The following MCTP1 variants were observed in gnomAD, a reference collection of about 807,000 sequenced individuals.
The protein encoded by MCTP1 is multiple C2 and transmembrane domain-containing protein 1.
In MCTP1, 69 loss-of-function variants were observed where a neutral mutation model predicts 120.6. The observed-to-expected ratio is 0.57, with a 90% CI of 0.47 to 0.70. MCTP1 has a LOEUF of 0.70. Ranked by LOEUF, MCTP1 falls within the 30% of genes least tolerant of loss-of-function variation. The probability of loss-of-function intolerance (pLI) is 0.00; values close to 1 mark genes in which losing one functional copy is unlikely to be tolerated. For missense variants in MCTP1, 1,203 were observed against 1,248.8 expected (o/e 0.96, Z 0.55); for synonymous variants, 529 against 493.1 (o/e 1.07, Z -0.96).
At chr5:95,143,391 C>T (rs1376823153) in intron 1 of MCTP1, among the ~76,000 whole-genome samples, 1 of 152,140 alleles carries the variant, frequency 6.6e-6, no homozygotes, top group African/African-American at 2.4e-5. Context: ...GCCAGAAATG[C>T]AACTCCTCAG....
At chr5:95,099,991 G>C (rs1407729632) in intron 1 of MCTP1, among the ~76,000 whole-genome samples, 1 of 151,916 alleles carries the variant, frequency 6.6e-6, no homozygotes. Flanking sequence ...GATGAAATTG[G>C]AAATCATCAT....
intron 1 of MCTP1, among the ~76,000 whole-genome samples, chr5:95,033,170 T>A (rs1486623903): frequency 1.3e-5 from 2 of 152,138 alleles, no homozygotes; most frequent in Non-Finnish European, 2.9e-5. Flanking sequence ...ATACCAGTTT[T>A]ACTAAAACTA....
At chr5:94,876,756 C>T (rs1428307449) in intron 12 of MCTP1, among the ~76,000 whole-genome samples, 1 of 151,854 alleles carries the variant, frequency 6.6e-6, no homozygotes, top group East Asian at 1.9e-4. Flanking sequence ...AGGGCAGGGG[C>T]TGTGGGATTG....
At chr5:94,998,360 C>G (rs1232826250) in intron 2 of MCTP1, among the ~76,000 whole-genome samples, 1 of 152,138 alleles carries the variant, frequency 6.6e-6, no homozygotes, top group Non-Finnish European at 1.5e-5. Flanking sequence ...GTAGCCACAG[C>G]AGAGAAAAGG....
chr5:94,955,931 C>CCTCCTCAAGTGGGTCCCTGA (rs1822492725), intron 2 of MCTP1, among the ~76,000 whole-genome samples: 1 of 152,220 alleles, frequency 6.6e-6, no homozygotes, highest in Non-Finnish European at 1.5e-5. Flanking sequence ...GGACAGTATG[C>CCTCCTCAAGTGGGTCCCTGA]CTCCTCAAGT....
chr5:95,172,739 G>C lies in MCTP1; in HGVS notation c.720+111117C>G, dbSNP rs111607361. Among the ~76,000 whole-genome samples, 1,015 of 152,282 alleles carry C rather than the reference G, an allele frequency of 6.7e-3. 11 individuals carry two copies. The highest frequency in any genetic ancestry group is 0.024 in the African/African-American group (985 of 41,556). ...TTGAATAAATTAAGGATCTGAGTGA[G>C]AGAACTATGGTATCTCTTGTTCTGT... is the stretch of plus-strand genomic sequence containing the variant. On this transcript the variant is annotated intron_variant, in intron 1 of 22. Coordinates refer to ENST00000515393, the MANE Select transcript of MCTP1 (RefSeq NM_024717.7).
At chr5:95,120,943 T>A (rs1308507612) in intron 1 of MCTP1, among the ~76,000 whole-genome samples, 1 of 152,112 alleles carries the variant, frequency 6.6e-6, no homozygotes, top group East Asian at 1.9e-4. Context: ...ACCTAAAGAC[T>A]TCCCCCCAAA....
chr5:95,228,204 C>T (rs1754500251), intron 1 of MCTP1, among the ~76,000 whole-genome samples: 2 of 151,966 alleles, frequency 1.3e-5, no homozygotes, highest in African/African-American at 4.8e-5. Flanking sequence ...ATGGCACATC[C>T]AAAAGAACAA....
intron 1 of MCTP1, among the ~76,000 whole-genome samples, chr5:95,076,601 C>T (rs1753636632): frequency 6.6e-6 from 1 of 152,132 alleles, no homozygotes; most frequent in South Asian, 2.1e-4. Flanking sequence ...CAGGGTAATG[C>T]TGTCCACTGA....
chr5:94,944,796 G>A (rs1170923557), intron 3 of MCTP1, among the ~76,000 whole-genome samples: 1 of 149,238 alleles, frequency 6.7e-6, no homozygotes, highest in Non-Finnish European at 1.5e-5. Flanking sequence ...TATGCTGTTT[G>A]GTTCCAAGCT....
chr5:95,002,707 CAGGCTCAT>C (rs1561998687), intron 2 of MCTP1, among the ~76,000 whole-genome samples: 1 of 152,186 alleles, frequency 6.6e-6, no homozygotes. Flanking sequence ...TTTGATTTTA[CAGGCTCAT>C]AGGCAGAAGG....
intron 2 of MCTP1, among the ~76,000 whole-genome samples, chr5:94,953,850 T>TATATATATGCATATATATACAA (rs70978146): frequency 0.06 from 2,679 of 44,860 alleles, 571 homozygotes; most frequent in Middle Eastern, 0.16. Flanking sequence ...TATACACAAC[T>TATATATATGCATATATATACAA]ATATATATGC....
intron 17 of MCTP1, among the ~76,000 whole-genome samples, chr5:94,805,563 G>A (rs1391238702): frequency 6.6e-6 from 1 of 152,106 alleles, no homozygotes; most frequent in African/African-American, 2.4e-5. Context: ...AGGAGGTTGA[G>A]GCTGTAGTGA....
At chr5:95,177,241 G>A (rs373538594) in intron 1 of MCTP1, among the ~76,000 whole-genome samples, 24 of 152,150 alleles carry the variant, frequency 1.6e-4, no homozygotes, top group African/African-American at 5.8e-4. Flanking sequence ...CTGTGATTGT[G>A]GAGATTTAAT....
intron 1 of MCTP1, among the ~76,000 whole-genome samples, chr5:95,170,621 T>G (rs995867311): frequency 7.2e-5 from 11 of 152,220 alleles, no homozygotes; most frequent in African/African-American, 2.7e-4. Flanking sequence ...ATATTTAGGA[T>G]AGTTAGCTCT....
intron 1 of MCTP1, among the ~76,000 whole-genome samples, chr5:95,254,971 A>T (rs77308992): frequency 0.011 from 1,653 of 152,320 alleles, 36 homozygotes; most frequent in African/African-American, 0.036. Flanking sequence ...TAATTTTTTT[A>T]AATGGAATGG....
chr5:95,068,893 A>G (rs1310548460), intron 1 of MCTP1: 1 of 958,066 alleles, frequency 1.0e-6, no homozygotes, highest in Non-Finnish European at 1.4e-6. Context: ...TAATATCAAT[A>G]GTAGTTTTTT....
chr5:95,103,130 TTATTA>T (rs1413746891), intron 1 of MCTP1, among the ~76,000 whole-genome samples: 4 of 151,330 alleles, frequency 2.6e-5, no homozygotes, highest in African/African-American at 9.7e-5. Flanking sequence ...TTATTATTTA[TTATTA>T]TATTATTATT....
rs550034417 is a variant in MCTP1 at position 94,971,567 on chromosome 5, T to C, written c.839-18206A>G. 8.7e-4 allele frequency among the ~76,000 whole-genome samples: 132 copies of C among 152,328 alleles called. 1 individual carries two copies. The highest frequency in any genetic ancestry group is 3.1e-3 in the African/African-American group (129 of 41,572). On this transcript the variant is annotated intron_variant, in intron 2 of 22. Coordinates refer to ENST00000515393, the MANE Select transcript of MCTP1 (RefSeq NM_024717.7). ...CACTAGTGGATGCTTCTATAATCTGTTTATTCTATATATGCACTTCTTTTG... is the reference window on the plus strand; with the variant it reads ...CACTAGTGGATGCTTCTATAATCTGCTTATTCTATATATGCACTTCTTTTG...
Sources: gnomAD v4.1 joint callset for allele counts (sites outside exome capture counted in the v4.1 genomes callset) on GRCh38, gnomAD v4.1.1 for gene constraint, MANE v1.5 for transcripts, NCBI Gene and HGNC (gene_info 2026-07-23, HGNC 2026-07-21) for gene names.